The following BCKDHB variants were observed in gnomAD, a reference collection of about 807,000 sequenced individuals.
The protein encoded by BCKDHB is branched chain keto acid dehydrogenase E1 subunit beta.
A neutral mutation model predicts 48.5 loss-of-function variants in BCKDHB; 41 were observed. The ratio of observed to expected loss-of-function variants is 0.85; its 90% CI spans 0.66 to 1.10. BCKDHB has a LOEUF of 1.10. Among genes scored for constraint, BCKDHB ranks in the 50% least tolerant of loss-of-function variants. The probability of loss-of-function intolerance (pLI) is 0.00; values close to 1 mark genes in which losing one functional copy is unlikely to be tolerated. For synonymous variants in BCKDHB, 201 were observed against 174.8 expected (o/e 1.15, Z -1.18); for missense variants, 496 against 494.2 (o/e 1.00, Z -0.03).
rs1011366906 is a variant in BCKDHB at position 80,344,913 on chromosome 6, C to A, written c.*1109C>A. The stretch of plus-strand genomic sequence containing the variant: ...ATAATTCATGACATTCTGAAACTTG[C>A]CTGTATATTATCTGAAAAATGGATT... On this transcript the variant is annotated 3_prime_UTR_variant, in exon 10 of 10. Transcript: ENST00000320393. The A allele has an allele frequency of 6.6e-6, 1 of 152,054 alleles. No homozygotes were observed. Among genetic ancestry groups the A allele is most frequent in the Admixed American group, 6.6e-5 (1 of 15,262 alleles). 9.4% of individuals were successfully genotyped at this position (152,054 alleles called of 1,614,324 possible). A position where few individuals can be genotyped will look rare whatever the true frequency, so the allele number is the denominator to read the frequency against.
At chr6:80,248,686 G>A (rs1324265354) in intron 8 of BCKDHB, among the ~76,000 whole-genome samples, 1 of 152,146 alleles carries the variant, frequency 6.6e-6, no homozygotes, top group Non-Finnish European at 1.5e-5. Flanking sequence ...AGCTTTGCAT[G>A]TGGGAAAGTT....
the BCKDHB span, among the ~76,000 whole-genome samples, chr6:80,371,952 T>TTGGCTATG: frequency 6.6e-6 from 1 of 152,140 alleles, no homozygotes; most frequent in Non-Finnish European, 1.5e-5. Context: ...TCATCTTGCT[T>TTGGCTATG]TGGCTATGTG....
At chr6:80,128,621 T>A (rs1770463936) in intron 2 of BCKDHB, among the ~76,000 whole-genome samples, 1 of 152,144 alleles carries the variant, frequency 6.6e-6, no homozygotes, top group South Asian at 2.1e-4. Context: ...TTCTGATGGC[T>A]TACTTACTGT....
At chr6:80,217,227 G>A (rs762014394) in intron 8 of BCKDHB, among the ~76,000 whole-genome samples, 10 of 151,964 alleles carry the variant, frequency 6.6e-5, no homozygotes, top group Non-Finnish European at 1.3e-4. Context: ...GGCAGCAAGA[G>A]TGAAATTCCA....
At chr6:80,389,986 G>A in the BCKDHB span, among the ~76,000 whole-genome samples, 10 of 152,124 alleles carry the variant, frequency 6.6e-5, no homozygotes, top group Admixed American at 5.9e-4. Flanking sequence ...TCCAGAGGGA[G>A]GAATGCTACC....
At chr6:80,391,892 A>G in the BCKDHB span, among the ~76,000 whole-genome samples, 2 of 152,148 alleles carry the variant, frequency 1.3e-5, no homozygotes, top group African/African-American at 4.8e-5. Flanking sequence ...TCTTCCTGAT[A>G]GCAGGATCCT....
the BCKDHB span, among the ~76,000 whole-genome samples, chr6:80,411,124 G>T: frequency 2.6e-5 from 4 of 152,218 alleles, no homozygotes; most frequent in East Asian, 5.8e-4. Context: ...CTACAGATGG[G>T]TTTTTTGTGT....
In BCKDHB at chr6:80,343,783, T is replaced by G. The variant is rs766392710; in HGVS notation, c.1158T>G (p.Leu386=). Residue 386 remains leucine (L), a synonymous_variant, in exon 10 of 10, where the codon CTT becomes CTG. Coordinates refer to ENST00000320393, the MANE Select transcript of BCKDHB (RefSeq NM_183050.4). The part of the protein sequence containing the change: ...IPDKWKCYDA[L]RKMINY ...ACAAATGGAAGTGTTATGATGCCCT[T>G]CGAAAAATGATCAACTATTGACCAT... 4 of 1,613,820 alleles carry G rather than the reference T, an allele frequency of 2.5e-6. No homozygotes were observed. In the East Asian group the frequency reaches 8.9e-5, roughly 36 times the overall value.
chr6:80,390,457 G>A, the BCKDHB span, among the ~76,000 whole-genome samples: 5 of 152,210 alleles, frequency 3.3e-5, no homozygotes, highest in African/African-American at 1.2e-4. Flanking sequence ...TAGTTGTCAT[G>A]AGTATTTCCT....
intron 1 of BCKDHB, among the ~76,000 whole-genome samples, chr6:80,126,635 G>A (rs1027262011): frequency 6.6e-5 from 10 of 152,056 alleles, no homozygotes; most frequent in Non-Finnish European, 1.3e-4. Flanking sequence ...CCTTTCGATC[G>A]GGAGATTTAG....
At chr6:80,185,918 T>C (rs72892417) in intron 6 of BCKDHB, among the ~76,000 whole-genome samples, 10,923 of 152,168 alleles carry the variant, frequency 0.072, 482 homozygotes, top group South Asian at 0.099. Context: ...AGCAGTGAAG[T>C]TGTTATGTGG....
intron 8 of BCKDHB, among the ~76,000 whole-genome samples, chr6:80,215,886 C>T (rs1012970603): frequency 4.6e-5 from 7 of 152,096 alleles, no homozygotes; most frequent in African/African-American, 1.2e-4. Context: ...GAACTACAGG[C>T]GTGCACCACC....
At chr6:80,111,669 G>A (rs1356729484) in intron 1 of BCKDHB, among the ~76,000 whole-genome samples, 1 of 152,078 alleles carries the variant, frequency 6.6e-6, no homozygotes, top group South Asian at 2.1e-4. Context: ...TTGGAAATTC[G>A]CAGGAAACAA....
At chr6:80,427,475 A>G in the BCKDHB span, among the ~76,000 whole-genome samples, 1 of 152,160 alleles carries the variant, frequency 6.6e-6, no homozygotes, top group East Asian at 1.9e-4. Context: ...GAACAATTAT[A>G]TTTTAAAGAA....
chr6:80,396,855 C>T, the BCKDHB span, among the ~76,000 whole-genome samples: 1 of 152,178 alleles, frequency 6.6e-6, no homozygotes, highest in African/African-American at 2.4e-5. Flanking sequence ...TCAATTAAAC[C>T]TCTTTTCATT....
the BCKDHB span, among the ~76,000 whole-genome samples, chr6:80,362,078 G>A: frequency 3.9e-5 from 6 of 152,124 alleles, no homozygotes; most frequent in Non-Finnish European, 7.4e-5. Context: ...ATTCTGACCT[G>A]AGCTTTAGAG....
At chr6:80,440,050 G>T in the BCKDHB span, among the ~76,000 whole-genome samples, 1 of 152,328 alleles carries the variant, frequency 6.6e-6, no homozygotes, top group Admixed American at 6.5e-5. Context: ...AGTAATGACA[G>T]AAATATAAGA....
chr6:80,430,804 T>C, the BCKDHB span, among the ~76,000 whole-genome samples: 13,207 of 152,178 alleles, frequency 0.087, 1,769 homozygotes, highest in African/African-American at 0.29. Flanking sequence ...AAGGGTTTTT[T>C]GTGTCTCTAT....
chr6:80,354,588 GA>G, the BCKDHB span, among the ~76,000 whole-genome samples: 1 of 152,208 alleles, frequency 6.6e-6, no homozygotes, highest in African/African-American at 2.4e-5. Context: ...AATTTGCCTA[GA>G]CCAATGTGCA....
Sources: allele counts gnomAD v4.1 joint callset (sites outside exome capture counted in the v4.1 genomes callset), GRCh38; gene constraint gnomAD v4.1.1; transcripts MANE v1.5; gene names NCBI Gene and HGNC (gene_info 2026-07-23, HGNC 2026-07-21).